RCSD1: variants seen among roughly 807,000 people sequenced by gnomAD.
The protein encoded by RCSD1 is RCSD domain containing 1.
In RCSD1, 26 loss-of-function variants were observed where a neutral mutation model predicts 42.5. That is an observed-to-expected ratio of 0.61 (90% CI 0.45 to 0.85). The LOEUF is 0.85. RCSD1 is among the 40% of genes least tolerant of loss of function. The pLI, the probability that RCSD1 is intolerant of heterozygous loss-of-function variation, is 0.00. For missense variants in RCSD1, 571 were observed against 528.3 expected (o/e 1.08, Z -0.79); for synonymous variants, 220 against 212.2 (o/e 1.04, Z -0.32).
chr1:167,681,615 T>A (rs1352723524), intron 1 of RCSD1, among the ~76,000 whole-genome samples: 1 of 152,216 alleles, frequency 6.6e-6, no homozygotes, highest in Admixed American at 6.5e-5. Context: ...TTGATTCCTA[T>A]ACAGCTCTAT....
At chr1:167,666,470 G>A (rs1658658901) in intron 1 of RCSD1, among the ~76,000 whole-genome samples, 1 of 152,322 alleles carries the variant, frequency 6.6e-6, no homozygotes, top group Non-Finnish European at 1.5e-5. Flanking sequence ...TTTCTAAAGA[G>A]AGACAGTGAG....
intron 1 of RCSD1, among the ~76,000 whole-genome samples, chr1:167,644,487 A>AC: frequency 2.7e-5 from 2 of 73,882 alleles, no homozygotes; most frequent in African/African-American, 1.2e-4. Context: ...CTCAAAAAAT[A>AC]AATACATACA....
At chr1:167,638,113 A>C (rs1349844257) in intron 1 of RCSD1, among the ~76,000 whole-genome samples, 1 of 152,140 alleles carries the variant, frequency 6.6e-6, no homozygotes, top group Non-Finnish European at 1.5e-5. Context: ...CGTGAGCTAA[A>C]TGTACGCTTT....
Position 167,683,952 on chromosome 1 carries a change from T to C in RCSD1, c.59T>C (p.Val20Ala), listed in dbSNP as rs1291442758. 3 of 1,614,154 alleles carry C rather than the reference T, an allele frequency of 1.9e-6. No individual in the cohort carries two copies. The highest frequency in any genetic ancestry group is 2.5e-6 in the Non-Finnish European group (3 of 1,180,030). ...GTGGACAACTCGGCGTCCCCCTCGG[T>C]GGCCCAGCTGGCCGGGCGGTTTAGG... ...ANVDNSASPSVAQLAGRFREQ... is the reference protein window; with the variant it reads ...ANVDNSASPSAAQLAGRFREQ... The change falls in exon 2 of 7, where the codon GTG becomes GCG. Residue 20 changes from valine (V) to alanine (A), a missense_variant. By Grantham distance (64) the Val-to-Ala change is moderately conservative. Transcript: ENST00000367854.
chr1:167,704,968 AACAATGT>A lies in RCSD1; in HGVS notation c.*275_*281del. On this transcript the variant is annotated 3_prime_UTR_variant, in exon 7 of 7. Transcript: ENST00000367854. ...GGTTCAACAACAAGAACTTACTTAA[AACAATGT>A]ACTGTGGTGATGAGTCCCAGGGGCA... 3 of 416,162 alleles carry A rather than the reference AACAATGT, an allele frequency of 7.2e-6. No homozygotes were observed. The highest frequency in any genetic ancestry group is 9.1e-6 in the Non-Finnish European group (2 of 220,974). 25.8% of individuals were successfully genotyped at this position (416,162 alleles called of 1,614,324 possible). A position where few individuals can be genotyped will look rare whatever the true frequency, so the allele number is the denominator to read the frequency against.
rs76196149 is a variant in RCSD1, at chr1:167,663,179, G to A, written c.7-20721G>A. Among the ~76,000 whole-genome samples the A allele has an allele frequency of 1.7e-4, 26 of 152,232 alleles. No homozygotes were observed. In the East Asian group the frequency reaches 4.4e-3, roughly 26 times the overall value. ...CTTGTCTGCTCAGAGACTTAACCCC[G>A]TAGTCCCACTCCCTAGACCATTGTG... On this transcript the variant is annotated intron_variant, in intron 1 of 6. Coordinates refer to ENST00000367854, the MANE Select transcript of RCSD1 (RefSeq NM_052862.4).
intron 4 of RCSD1, 146 bp from the exon 5 acceptor site, chr1:167,693,953 C>G: frequency 1.5e-6 from 1 of 689,472 alleles, no homozygotes; most frequent in Non-Finnish European, 2.5e-6. Context: ...CATGATGGGA[C>G]AGTGGATAAT....
chr1:167,697,640 T>A lies in RCSD1; in HGVS notation c.1016T>A (p.Leu339Gln). Residue 339 changes from leucine (L) to glutamine (Q), a missense_variant, in exon 6 of 7, where the codon CTG (leucine) becomes CAG (glutamine). By Grantham distance (113) the Leu-to-Gln change is moderately radical. Transcript: ENST00000367854. ...CATGACAGCCAAGAAACAAAGAAGCTGGAGGAGGGAGCTGCAGTGAAGGAG... is the reference window on the plus strand; with the variant it reads ...CATGACAGCCAAGAAACAAAGAAGCAGGAGGAGGGAGCTGCAGTGAAGGAG... ...PEHDSQETKK[L>Q]EEGAAVKETP... 1 of 1,606,198 alleles carries A rather than the reference T, an allele frequency of 6.2e-7. No homozygotes were observed.
intron 1 of RCSD1, among the ~76,000 whole-genome samples, chr1:167,660,451 A>G (rs1368129873): frequency 6.7e-6 from 1 of 149,274 alleles, no homozygotes; most frequent in Non-Finnish European, 1.5e-5. Context: ...CCTCTATACC[A>G]TTGGCTCCTT....
intron 1 of RCSD1, among the ~76,000 whole-genome samples, chr1:167,682,838 G>GT (rs1659114970): frequency 6.6e-6 from 1 of 152,156 alleles, no homozygotes; most frequent in South Asian, 2.1e-4. Flanking sequence ...CAGACTAGAC[G>GT]TGAGGAGGGG....
Position 167,708,160 on chromosome 1 carries a change from C to T in RCSD1, c.*3464C>T, listed in dbSNP as rs1462479019. On this transcript the variant is annotated 3_prime_UTR_variant, in exon 7 of 7. Transcript: ENST00000367854. ...TACAACCAAGCAGATGCAGAGACTG[C>T]GTGCCCTCTCCTGGAGCTAGGAGCT... 6.6e-6 allele frequency among the ~76,000 whole-genome samples: 1 copy of T among 152,286 alleles called. No individual in the cohort carries two copies. The highest frequency in any genetic ancestry group is 6.5e-5 in the Admixed American group (1 of 15,298).
intron 1 of RCSD1, among the ~76,000 whole-genome samples, chr1:167,680,301 G>T (rs1659047651): frequency 6.6e-6 from 1 of 151,944 alleles, no homozygotes; most frequent in African/African-American, 2.4e-5. Context: ...TGGCAGGGGA[G>T]GGACTTACAT....
intron 1 of RCSD1, among the ~76,000 whole-genome samples, chr1:167,676,340 G>A (rs934348341): frequency 1.3e-5 from 2 of 152,174 alleles, no homozygotes; most frequent in Admixed American, 6.5e-5. Flanking sequence ...GAAGAAGGGC[G>A]GTGCCACTGC....
intron 1 of RCSD1, among the ~76,000 whole-genome samples, chr1:167,648,376 T>C (rs1336625736): frequency 6.6e-6 from 1 of 152,262 alleles, no homozygotes; most frequent in Non-Finnish European, 1.5e-5. Flanking sequence ...TGAGTGTCTC[T>C]TGACAAGCAT....
At chr1:167,650,840 G>A (rs1336672831) in intron 1 of RCSD1, among the ~76,000 whole-genome samples, 2 of 152,224 alleles carry the variant, frequency 1.3e-5, no homozygotes, top group South Asian at 2.1e-4. Context: ...AGCCCCAGAA[G>A]CAGCTTCCCC....
At chr1:167,676,698 C>A (rs1315139978) in intron 1 of RCSD1, among the ~76,000 whole-genome samples, 2 of 152,194 alleles carry the variant, frequency 1.3e-5, no homozygotes, top group African/African-American at 2.4e-5. Context: ...CTGCTGGCAC[C>A]TGGGAATTTG....
chr1:167,647,913 A>C (rs1483204376), intron 1 of RCSD1, among the ~76,000 whole-genome samples: 1 of 152,162 alleles, frequency 6.6e-6, no homozygotes, highest in Non-Finnish European at 1.5e-5. Flanking sequence ...ATCTTAACAC[A>C]ACTATTTTCT....
intron 1 of RCSD1, among the ~76,000 whole-genome samples, chr1:167,676,004 C>G (rs1658943357): frequency 3.3e-5 from 5 of 152,172 alleles, no homozygotes. Flanking sequence ...TAGCCAACAT[C>G]CAGTAATAGC....
chr1:167,676,971 C>T (rs1400390741), intron 1 of RCSD1, among the ~76,000 whole-genome samples: 1 of 152,222 alleles, frequency 6.6e-6, no homozygotes, highest in Admixed American at 6.5e-5. Context: ...GTGAGTGGAG[C>T]ACCTCCTGGG....
Sources: gnomAD v4.1 joint callset for allele counts (sites outside exome capture counted in the v4.1 genomes callset) on GRCh38, gnomAD v4.1.1 for gene constraint, MANE v1.5 for transcripts, NCBI Gene and HGNC (gene_info 2026-07-23, HGNC 2026-07-21) for gene names.